PRELID2: variants seen among roughly 807,000 people sequenced by gnomAD.
The protein encoded by PRELID2 is PRELI domain containing 2.
A neutral mutation model predicts 28.4 loss-of-function variants in PRELID2; 25 were observed. The ratio of observed to expected loss-of-function variants is 0.88; its 90% CI spans 0.64 to 1.23. The LOEUF (loss-of-function observed/expected upper bound fraction) is 1.23. PRELID2 is among the 50% of genes most tolerant of loss of function. PRELID2 has a pLI of 0.00. For missense variants in PRELID2, 201 were observed against 214.4 expected (o/e 0.94, Z 0.39); for synonymous variants, 76 against 71.6 (o/e 1.06, Z -0.31).
At chr5:145,300,674 T>TAA in the PRELID2 span, among the ~76,000 whole-genome samples, 1 of 149,432 alleles carries the variant, frequency 6.7e-6, no homozygotes, top group African/African-American at 2.4e-5. Flanking sequence ...TTATAACTAC[T>TAA]AAAAGCACTT....
chr5:145,479,737 T>G (rs1207091063), intron 1 of PRELID2, among the ~76,000 whole-genome samples: 1 of 152,232 alleles, frequency 6.6e-6, no homozygotes, highest in Non-Finnish European at 1.5e-5. Flanking sequence ...ACAGAAATTT[T>G]GTCCTGTATT....
At chr5:145,447,359 T>C in the PRELID2 span, among the ~76,000 whole-genome samples, 5 of 151,862 alleles carry the variant, frequency 3.3e-5, no homozygotes, top group African/African-American at 4.8e-5. Flanking sequence ...CTCCGTTACA[T>C]GAAAGATACT....
At chr5:145,581,799 T>G (rs745671474) in intron 1 of PRELID2, among the ~76,000 whole-genome samples, 3 of 152,022 alleles carry the variant, frequency 2.0e-5, no homozygotes, top group African/African-American at 7.2e-5. Flanking sequence ...ACAAGATAAA[T>G]TGAGGACCAG....
At chr5:145,344,776 G>C in the PRELID2 span, among the ~76,000 whole-genome samples, 1 of 152,098 alleles carries the variant, frequency 6.6e-6, no homozygotes, top group East Asian at 1.9e-4. Flanking sequence ...CAATATGCAA[G>C]TTTTCTTACT....
chr5:145,331,800 G>T, the PRELID2 span, among the ~76,000 whole-genome samples: 68 of 152,274 alleles, frequency 4.5e-4, no homozygotes, highest in African/African-American at 1.5e-3. Flanking sequence ...GTGTAAATTT[G>T]ATCCTGTCAT....
chr5:145,779,438 G>A lies in PRELID2; in HGVS notation c.475-14438C>T, dbSNP rs533748526. Among the ~76,000 whole-genome samples, 29 of 151,760 alleles carry A rather than the reference G, an allele frequency of 1.9e-4. 2 individuals carry two copies. In the South Asian group the frequency reaches 6.0e-3, roughly 32 times the overall value. ...TAACCTGAATGTTCAATACTAAAGG[G>A]CAATATAAATTATTATATAACTATT... On this transcript the variant is annotated intron_variant, in intron 5 of 6. Coordinates refer to ENST00000683046, the MANE Select transcript of PRELID2 (RefSeq NM_205846.3).
At chr5:145,465,987 T>A in the PRELID2 span, among the ~76,000 whole-genome samples, 1 of 152,114 alleles carries the variant, frequency 6.6e-6, no homozygotes, top group Non-Finnish European at 1.5e-5. Context: ...TTTAGTGACA[T>A]CTATAATTAT....
intron 1 of PRELID2, among the ~76,000 whole-genome samples, chr5:145,521,124 CAGTT>C (rs1752559736): frequency 1.3e-5 from 2 of 152,108 alleles, no homozygotes; most frequent in South Asian, 2.1e-4. Flanking sequence ...TGAGGAATGT[CAGTT>C]AGTTAATCTC....
At chr5:145,554,100 A>C (rs1752860600) in intron 1 of PRELID2, among the ~76,000 whole-genome samples, 1 of 152,214 alleles carries the variant, frequency 6.6e-6, no homozygotes, top group African/African-American at 2.4e-5. Context: ...AAATTCTAGA[A>C]GCTGTTGGAA....
chr5:145,250,564 G>A, the PRELID2 span, among the ~76,000 whole-genome samples: 1 of 152,144 alleles, frequency 6.6e-6, no homozygotes, highest in Admixed American at 6.6e-5. Context: ...TAGACCATGG[G>A]ATGTTGGGTT....
chr5:145,249,411 G>C, the PRELID2 span, among the ~76,000 whole-genome samples: 2 of 152,062 alleles, frequency 1.3e-5, no homozygotes, highest in Non-Finnish European at 2.9e-5. Context: ...ATATAATACT[G>C]TCCTATAATT....
the PRELID2 span, among the ~76,000 whole-genome samples, chr5:145,421,828 G>C: frequency 7.1e-6 from 1 of 140,508 alleles, no homozygotes; most frequent in Non-Finnish European, 1.6e-5. Flanking sequence ...TGATGTTAGG[G>C]TGTCAATTTT....
chr5:145,383,179 T>TAC, the PRELID2 span, among the ~76,000 whole-genome samples: 1 of 151,274 alleles, frequency 6.6e-6, no homozygotes, highest in African/African-American at 2.4e-5. Context: ...AGCACAGAAA[T>TAC]ACACACACAC....
chr5:145,518,763 G>A (rs896225178), intron 1 of PRELID2, among the ~76,000 whole-genome samples: 6 of 152,122 alleles, frequency 3.9e-5, no homozygotes, highest in Admixed American at 6.6e-5. Context: ...GACATTTTTG[G>A]TGTCTCAACT....
intron 1 of PRELID2, among the ~76,000 whole-genome samples, chr5:145,727,254 G>C (rs1332234472): frequency 2.0e-5 from 3 of 152,172 alleles, no homozygotes; most frequent in Admixed American, 6.5e-5. Context: ...ACACTCCAAA[G>C]CCATGAGGGG....
At chr5:145,272,901 C>T in the PRELID2 span, among the ~76,000 whole-genome samples, 2 of 152,072 alleles carry the variant, frequency 1.3e-5, no homozygotes, top group Non-Finnish European at 2.9e-5. Flanking sequence ...TCAGTAGGGA[C>T]CTGAGGCCTG....
chr5:145,507,316 C>T (rs1184096170), intron 1 of PRELID2, among the ~76,000 whole-genome samples: 1 of 151,932 alleles, frequency 6.6e-6, no homozygotes, highest in Admixed American at 6.6e-5. Context: ...ATGACCTAAG[C>T]CTTAGTATTA....
chr5:145,356,988 C>G, the PRELID2 span, among the ~76,000 whole-genome samples: 2 of 152,118 alleles, frequency 1.3e-5, no homozygotes, highest in African/African-American at 2.4e-5. Context: ...ATTTCTCATT[C>G]ACTTATGAAG....
At chr5:145,810,423 A>G (rs1753848739) in intron 4 of PRELID2, among the ~76,000 whole-genome samples, 1 of 152,166 alleles carries the variant, frequency 6.6e-6, no homozygotes, top group African/African-American at 2.4e-5. Flanking sequence ...GTCCATGCCA[A>G]TTGCTTGCAT....
Sources: gnomAD v4.1 joint callset for allele counts (sites outside exome capture counted in the v4.1 genomes callset) on GRCh38, gnomAD v4.1.1 for gene constraint, MANE v1.5 for transcripts, NCBI Gene and HGNC (gene_info 2026-07-23, HGNC 2026-07-21) for gene names.